The following LARP1B variants were observed in gnomAD, a reference collection of about 807,000 sequenced individuals.
LARP1B encodes la-related protein 1B.
A neutral mutation model predicts 114.2 loss-of-function variants in LARP1B; 76 were observed. The observed-to-expected ratio is 0.67, with a 90% CI of 0.55 to 0.81. The LOEUF (loss-of-function observed/expected upper bound fraction) is 0.81. LARP1B is among the 30% of genes least tolerant of loss of function. LARP1B has a pLI of 0.00. For missense variants in LARP1B, 1,014 were observed against 1,075.8 expected (o/e 0.94, Z 0.80); for synonymous variants, 345 against 348.0 (o/e 0.99, Z 0.10).
At chr4:128,083,661 A>T (rs188803606) in intron 5 of LARP1B, among the ~76,000 whole-genome samples, 1 of 122,170 alleles carries the variant, frequency 8.2e-6, no homozygotes, top group Non-Finnish European at 1.7e-5. Flanking sequence ...GCGGCTGGCC[A>T]GGTGGGGGGG....
chr4:128,155,657 C>G, intron 11 of LARP1B: 1 of 1,555,262 alleles, frequency 6.4e-7, no homozygotes, highest in Non-Finnish European at 8.8e-7. Flanking sequence ...GGGCCGCCTC[C>G]AGTGGTGTGT....
chr4:128,219,290 A>G (rs2150985618), intron 6 of LARP1B, among the ~76,000 whole-genome samples: 1 of 115,518 alleles, frequency 8.7e-6, no homozygotes, highest in African/African-American at 3.4e-5. Flanking sequence ...CCATCCCATT[A>G]CTGGGTATAT....
intron 11 of LARP1B, chr4:128,123,665 A>T: frequency 2.6e-6 from 2 of 782,726 alleles, no homozygotes; most frequent in African/African-American, 1.9e-5. Context: ...TGTTCAATTC[A>T]TGTTTGTGGG....
At chr4:128,179,938 A>G (rs1485952856) in intron 15 of LARP1B, among the ~76,000 whole-genome samples, 3 of 152,126 alleles carry the variant, frequency 2.0e-5, no homozygotes, top group Admixed American at 6.5e-5. Flanking sequence ...TTTGAAAATC[A>G]TTAAGATTAG....
chr4:128,127,430 T>A (rs1217711030), intron 11 of LARP1B, among the ~76,000 whole-genome samples: 2 of 152,244 alleles, frequency 1.3e-5, no homozygotes, highest in African/African-American at 4.8e-5. Context: ...TGATTAAAGT[T>A]ATTAAAGTTT....
intron 9 of LARP1B, chr4:128,107,638 TG>T: frequency 7.1e-7 from 1 of 1,415,402 alleles, no homozygotes; most frequent in Non-Finnish European, 9.2e-7. Context: ...TGGAATAGTA[TG>T]ATTGGATTAT....
chr4:128,213,903 C>T (rs1205687376), downstream of LARP1B, among the ~76,000 whole-genome samples: 5 of 151,922 alleles, frequency 3.3e-5, no homozygotes, highest in African/African-American at 1.2e-4. Flanking sequence ...GGGTTCATCT[C>T]ACTAGGGAGT....
intron 10 of LARP1B, among the ~76,000 whole-genome samples, chr4:128,121,316 A>G (rs918421837): frequency 6.6e-6 from 1 of 152,112 alleles, no homozygotes; most frequent in African/African-American, 2.4e-5. Context: ...CTATCTATCT[A>G]TCTATCTATT....
At chr4:128,171,990 C>A (rs1743934724) in intron 12 of LARP1B, among the ~76,000 whole-genome samples, 1 of 150,052 alleles carries the variant, frequency 6.7e-6, no homozygotes, top group Non-Finnish European at 1.5e-5. Context: ...TTGGGTTTAT[C>A]CTGGATGGGA....
chr4:128,126,271 G>A (rs1789579572), intron 11 of LARP1B, among the ~76,000 whole-genome samples: 1 of 151,964 alleles, frequency 6.6e-6, no homozygotes, highest in East Asian at 1.9e-4. Context: ...ACAGGCGTGT[G>A]CCATCACACC....
chr4:128,131,683 A>C (rs1417433227), intron 11 of LARP1B, among the ~76,000 whole-genome samples: 1 of 152,170 alleles, frequency 6.6e-6, no homozygotes, highest in Non-Finnish European at 1.5e-5. Flanking sequence ...GTGCCACTGC[A>C]CTCCAGCCTG....
rs1213351867 is a variant in LARP1B, at chr4:128,209,991, C to T, written c.2683C>T (p.Gln895Ter). 1 of 1,614,136 alleles carries T rather than the reference C, an allele frequency of 6.2e-7. No individual in the cohort carries two copies. Among genetic ancestry groups the T allele is most frequent in the Non-Finnish European group, 8.5e-7 (1 of 1,180,008 alleles). Residue 895 changes from glutamine to a stop codon, truncating the protein, a stop_gained, in exon 20 of 20, where the codon CAG becomes TAG. Coordinates refer to ENST00000326639, the MANE Select transcript of LARP1B (RefSeq NM_018078.4). LOFTEE classifies it low-confidence loss of function (END_TRUNC). ...TAAACCTACATCTACCAGTGAGCTT[C>T]AGGTACCAATAAACTCTCCCAGAAG... ...AAKPTSTSEL[Q>*]VPINSPRRNI...
At chr4:128,066,996 T>C (rs1325413107) in intron 1 of LARP1B, among the ~76,000 whole-genome samples, 1 of 149,560 alleles carries the variant, frequency 6.7e-6, no homozygotes, top group East Asian at 2.0e-4. Context: ...TTACTAGAGA[T>C]GGGGTTTTAC....
chr4:128,129,088 C>T (rs1282048542), intron 11 of LARP1B, among the ~76,000 whole-genome samples: 1 of 145,708 alleles, frequency 6.9e-6, no homozygotes, highest in Non-Finnish European at 1.5e-5. Flanking sequence ...TGGCGTGAAC[C>T]CGGGAGGCGG....
chr4:128,109,204 A>G (rs373672410), intron 9 of LARP1B, among the ~76,000 whole-genome samples: 1 of 152,180 alleles, frequency 6.6e-6, no homozygotes, highest in African/African-American at 2.4e-5. Context: ...GGAGAGTAGT[A>G]TGTCACCAAA....
intron 4 of LARP1B, among the ~76,000 whole-genome samples, chr4:128,081,109 GTC>G (rs1770186464): frequency 7.1e-6 from 1 of 140,294 alleles, no homozygotes; most frequent in African/African-American, 2.7e-5. Context: ...ACAGACTCTC[GTC>G]TCTGTCACCC....
intron 10 of LARP1B, among the ~76,000 whole-genome samples, chr4:128,121,351 C>G (rs1787913195): frequency 6.6e-6 from 1 of 152,160 alleles, no homozygotes; most frequent in South Asian, 2.1e-4. Flanking sequence ...GAGTTTCGCT[C>G]TTGTCGCCCA....
intron 5 of LARP1B, among the ~76,000 whole-genome samples, chr4:128,090,284 G>A (rs1454033297): frequency 1.3e-5 from 2 of 152,128 alleles, no homozygotes; most frequent in Admixed American, 6.6e-5. Flanking sequence ...TGTCAGCCAG[G>A]CTGGTCTCCA....
At chr4:128,131,538 A>T (rs936075309) in intron 11 of LARP1B, among the ~76,000 whole-genome samples, 1 of 152,136 alleles carries the variant, frequency 6.6e-6, no homozygotes, top group African/African-American at 2.4e-5. Context: ...ACTTAGTGAG[A>T]CCCTGTCTCT....
Sources: allele counts gnomAD v4.1 joint callset (sites outside exome capture counted in the v4.1 genomes callset), GRCh38; gene constraint gnomAD v4.1.1; transcripts MANE v1.5; gene names NCBI Gene and HGNC (gene_info 2026-07-23, HGNC 2026-07-21).